Variants in HHAT observed in about 807,000 individuals in gnomAD.
HHAT encodes the protein protein-cysteine N-palmitoyltransferase HHAT.
HHAT carries 47 observed loss-of-function variants against 70.8 expected under a neutral mutation model. That is an observed-to-expected ratio of 0.66 (90% CI 0.53 to 0.85). The LOEUF (loss-of-function observed/expected upper bound fraction) is 0.85, where lower values mean the gene tolerates loss of function less well. Among genes scored for constraint, HHAT ranks in the 40% least tolerant of loss-of-function variants. The probability of loss-of-function intolerance (pLI) is 0.00; values close to 1 mark genes in which losing one functional copy is unlikely to be tolerated. For synonymous variants in HHAT, 228 were observed against 247.6 expected, an observed-to-expected ratio of 0.92 and a Z score of 0.74; for missense variants, 609 against 604.8, an observed-to-expected ratio of 1.01 and a Z score of -0.07.
chr1:210,662,707 G>GA (rs72246145), intron 11 of HHAT, among the ~76,000 whole-genome samples: 3 of 151,896 alleles, frequency 2.0e-5, no homozygotes, highest in Non-Finnish European at 2.9e-5. Flanking sequence ...GTCAGAATAA[G>GA]AAAAAGTGGC....
At chr1:210,630,017 A>G (rs138415681) in intron 11 of HHAT, among the ~76,000 whole-genome samples, 3,323 of 151,746 alleles carry the variant, frequency 0.022, 55 homozygotes, top group Non-Finnish European at 0.032. Context: ...TAATTTTTGT[A>G]TATTTAGTAG....
At chr1:210,653,529 C>CAAAA (rs35279362) in intron 11 of HHAT, among the ~76,000 whole-genome samples, 1 of 120,142 alleles carries the variant, frequency 8.3e-6, no homozygotes. Flanking sequence ...GACCCTGTCT[C>CAAAA]AAAAAAAAAA....
chr1:210,329,554 G>A (rs2084803176), intron 1 of HHAT: 8 of 923,286 alleles, frequency 8.7e-6, no homozygotes, highest in Admixed American at 6.1e-5. Context: ...TAACCTTCAG[G>A]TGGCAGGTCT....
At chr1:210,429,592 AAT>A (rs1491252574) in intron 7 of HHAT, among the ~76,000 whole-genome samples, 1 of 87,376 alleles carries the variant, frequency 1.1e-5, no homozygotes, top group Non-Finnish European at 2.6e-5. Context: ...TTAATAAAAC[AAT>A]TTTTTTTTTT....
intron 9 of HHAT, among the ~76,000 whole-genome samples, chr1:210,515,130 G>T (rs1388902237): frequency 6.6e-6 from 1 of 152,198 alleles, no homozygotes; most frequent in Non-Finnish European, 1.5e-5. Context: ...ACCTTGCTGT[G>T]CTGTATTCTG....
Position 210,486,555 on chromosome 1 carries a change from G to A in HHAT, c.1007+21900G>A, listed in dbSNP as rs187827267. The stretch of plus-strand genomic sequence containing the variant: ...CACAGGTAGAACTGATCAAGCATGT[G>A]TTCTTTTGAGTGGACAGAGTCCACA... On this transcript the variant is annotated intron_variant, in intron 8 of 11. Coordinates refer to ENST00000261458, the MANE Select transcript of HHAT (RefSeq NM_018194.6). Among the ~76,000 whole-genome samples the A allele has an allele frequency of 1.5e-3, 225 of 152,278 alleles. 1 individual carries two copies. The highest frequency in any genetic ancestry group is 5.1e-3 in the African/African-American group (210 of 41,558).
intron 9 of HHAT, among the ~76,000 whole-genome samples, chr1:210,560,840 A>C (rs539268009): frequency 2.1e-5 from 3 of 142,738 alleles, no homozygotes; most frequent in Admixed American, 7.5e-5. Flanking sequence ...AAAAAAAAAA[A>C]AAAAAAAAAA....
At position 210,603,191 on chromosome 1, in the gene HHAT, A is replaced by C. The variant is rs111330417; in HGVS notation, c.1245+15092A>C. ...CATCGGCTGCTATCATGGCATTCTT[A>C]TACCTTCTCCCTGCTTAATGCAAAC... is the stretch of plus-strand genomic sequence containing the variant. On this transcript the variant is annotated intron_variant, in intron 10 of 11. Transcript: ENST00000261458. 5.7e-4 allele frequency among the ~76,000 whole-genome samples: 87 copies of C among 152,134 alleles called. 1 individual carries two copies. Among genetic ancestry groups the C allele is most frequent in the African/African-American group, 2.0e-3 (85 of 41,500 alleles).
chr1:210,431,992 A>G (rs573843869), intron 7 of HHAT, among the ~76,000 whole-genome samples: 4 of 151,872 alleles, frequency 2.6e-5, no homozygotes, highest in African/African-American at 7.3e-5. Context: ...AGAGTGACCA[A>G]ATATCCCATT....
At chr1:210,557,737 G>A (rs1055217011) in intron 9 of HHAT, among the ~76,000 whole-genome samples, 1 of 152,150 alleles carries the variant, frequency 6.6e-6, no homozygotes, top group Non-Finnish European at 1.5e-5. Flanking sequence ...GAAAGACCAG[G>A]CCCTGTGATT....
intron 1 of HHAT, among the ~76,000 whole-genome samples, chr1:210,340,360 T>C (rs545466227): frequency 1.5e-4 from 22 of 150,990 alleles, no homozygotes; most frequent in South Asian, 8.4e-4. Flanking sequence ...GTCTACAAAA[T>C]GGGATTCAGT....
Position 210,656,405 on chromosome 1 carries a change from A to AC in HHAT, c.1391-17875dup, listed in dbSNP as rs66521649. Among the ~76,000 whole-genome samples, 133 of 150,746 alleles carry AC rather than the reference A, an allele frequency of 8.8e-4. 2 individuals carry two copies. Among genetic ancestry groups the AC allele is most frequent in the South Asian group, 8.2e-3 (39 of 4,754 alleles). ...TCTTACCCTCAGGCTGAGCACACATACCCCCCCCGTCCCCCTGCCCTTTGA... is the reference window on the plus strand; with the variant it reads ...TCTTACCCTCAGGCTGAGCACACATACCCCCCCCCGTCCCCCTGCCCTTTGA... On this transcript the variant is annotated intron_variant, in intron 11 of 11. Transcript: ENST00000261458.
At chr1:210,350,789 G>T (rs541906159) in intron 2 of HHAT, among the ~76,000 whole-genome samples, 1 of 152,198 alleles carries the variant, frequency 6.6e-6, no homozygotes, top group South Asian at 2.1e-4. Context: ...CCAGTACAAT[G>T]TTGAAAAAGA....
intron 8 of HHAT, among the ~76,000 whole-genome samples, chr1:210,483,494 A>AG (rs2094429750): frequency 6.6e-6 from 1 of 152,174 alleles, no homozygotes; most frequent in African/African-American, 2.4e-5. Flanking sequence ...ATTGGAAGGC[A>AG]GGGGAGAGGT....
chr1:210,389,209 TATTTAGTA>T (rs1005080855), intron 4 of HHAT, among the ~76,000 whole-genome samples: 64 of 152,074 alleles, frequency 4.2e-4, no homozygotes, highest in African/African-American at 1.5e-3. Context: ...AAAATGAACT[TATTTAGTA>T]ATTTATGAAG....
chr1:210,598,296 T>TG (rs1212620235), intron 10 of HHAT, among the ~76,000 whole-genome samples: 1 of 151,858 alleles, frequency 6.6e-6, no homozygotes, highest in Non-Finnish European at 1.5e-5. Flanking sequence ...TGCCTGGGGT[T>TG]GGGGGACGGG....
intron 11 of HHAT, among the ~76,000 whole-genome samples, chr1:210,627,526 C>T (rs1461739867): frequency 6.6e-6 from 1 of 151,968 alleles, no homozygotes; most frequent in Non-Finnish European, 1.5e-5. Flanking sequence ...AAAACCAGAC[C>T]CTTCCCTTTC....
intron 11 of HHAT, among the ~76,000 whole-genome samples, chr1:210,644,225 G>T (rs974461841): frequency 6.6e-6 from 1 of 152,220 alleles, no homozygotes; most frequent in African/African-American, 2.4e-5. Context: ...CATTTCAAGA[G>T]TTCAGCATTT....
chr1:210,381,441 C>T (rs2090627876), intron 3 of HHAT, among the ~76,000 whole-genome samples: 2 of 152,042 alleles, frequency 1.3e-5, no homozygotes, highest in Non-Finnish European at 2.9e-5. Context: ...CCAGCACTCC[C>T]AGCTAATATT....
Sources: allele counts gnomAD v4.1 joint callset (sites outside exome capture counted in the v4.1 genomes callset), GRCh38; gene constraint gnomAD v4.1.1; transcripts MANE v1.5; gene names NCBI Gene and HGNC (gene_info 2026-07-23, HGNC 2026-07-21).